Variants in CTCF observed in about 807,000 individuals in gnomAD.
CTCF encodes CCCTC-binding factor, also known as transcriptional repressor CTCF.
CTCF carries 7 observed loss-of-function variants against 72.3 expected under a neutral mutation model. The observed-to-expected ratio is 0.10, with a 90% CI of 0.06 to 0.18. CTCF has a LOEUF of 0.18. Ranked by LOEUF, CTCF falls within the 10% of genes least tolerant of loss-of-function variation. The pLI is 1.00. For missense variants in CTCF, 516 were observed against 949.1 expected, an observed-to-expected ratio of 0.54 and a Z score of 6.00; for synonymous variants, 374 against 315.8, an observed-to-expected ratio of 1.18 and a Z score of -1.95.
rs914361591 is a variant in CTCF, at chr16:67,612,288, T to C, written c.952+167T>C. 10 of 555,536 alleles carry C rather than the reference T, an allele frequency of 1.8e-5. 1 individual carries two copies. Among genetic ancestry groups the C allele is most frequent in the Non-Finnish European group, 2.7e-5 (9 of 335,904 alleles). The allele number at this position is 555,536 out of a possible 1,614,324, so 34.4% of individuals were successfully genotyped here. ...TGTAAGCACTTGGACTTAGTTATTATAGACAAATGTAAAGAAAATTTAATG... is the reference window on the plus strand; with the variant it reads ...TGTAAGCACTTGGACTTAGTTATTACAGACAAATGTAAAGAAAATTTAATG... On this transcript the variant is annotated intron_variant, in intron 4 of 11. Transcript: ENST00000264010.
intron 2 of CTCF, among the ~76,000 whole-genome samples, chr16:67,605,659 A>T (rs1156945086): frequency 1.3e-5 from 2 of 152,330 alleles, no homozygotes; most frequent in East Asian, 3.9e-4. Flanking sequence ...CCCAACTGGG[A>T]AAATAGATCG....
chr16:67,585,983 C>T (rs949072186), intron 2 of CTCF, among the ~76,000 whole-genome samples: 3 of 152,124 alleles, frequency 2.0e-5, no homozygotes, highest in Admixed American at 2.0e-4. Context: ...CTCCACCCTA[C>T]CCCCATGCAA....
At chr16:67,589,466 A>G (rs912925084) in intron 2 of CTCF, among the ~76,000 whole-genome samples, 5 of 152,112 alleles carry the variant, frequency 3.3e-5, no homozygotes, top group African/African-American at 9.7e-5. Flanking sequence ...CCACCTCATC[A>G]TTTGATATCC....
intron 2 of CTCF, among the ~76,000 whole-genome samples, chr16:67,606,147 T>TA (rs2051970185): frequency 6.6e-6 from 1 of 152,162 alleles, no homozygotes; most frequent in Non-Finnish European, 1.5e-5. Flanking sequence ...AACCAGCACA[T>TA]CTTTCACCTG....
intron 2 of CTCF, among the ~76,000 whole-genome samples, chr16:67,577,030 T>G (rs955699108): frequency 2.0e-5 from 3 of 152,104 alleles, no homozygotes; most frequent in African/African-American, 7.2e-5. Context: ...ATAGGTAGGT[T>G]TCTTTAAGCT....
chr16:67,596,014 C>CCCA (rs1454721767), intron 2 of CTCF, among the ~76,000 whole-genome samples: 1 of 151,674 alleles, frequency 6.6e-6, no homozygotes, highest in Non-Finnish European at 1.5e-5. Flanking sequence ...AGTGCAGTGG[C>CCCA]ATACTTTCGG....
intron 11 of CTCF, among the ~76,000 whole-genome samples, chr16:67,637,180 A>G (rs2052442241): frequency 6.6e-6 from 1 of 152,228 alleles, no homozygotes; most frequent in African/African-American, 2.4e-5. Context: ...ATGAATATAA[A>G]AGAGCCAAAT....
At chr16:67,589,057 T>G (rs567317124) in intron 2 of CTCF, among the ~76,000 whole-genome samples, 2 of 152,136 alleles carry the variant, frequency 1.3e-5, no homozygotes, top group African/African-American at 4.8e-5. Flanking sequence ...GTTGGGAGGC[T>G]GAGGCAGGAA....
At chr16:67,625,449 C>T (rs2052270470) in intron 7 of CTCF, among the ~76,000 whole-genome samples, 1 of 152,216 alleles carries the variant, frequency 6.6e-6, no homozygotes, top group East Asian at 1.9e-4. Flanking sequence ...ATCCACCTGC[C>T]ATGGCCTCCC....
rs553464325 is a variant in CTCF at position 67,593,138 on chromosome 16, A to T, written c.-9-17686A>T. ...ATGGTTTTTAATATATATTTTATAC[A>T]TATAAAGAGAAAGGTGCAAGGTATC... On this transcript the variant is annotated intron_variant, in intron 2 of 11. Transcript: ENST00000264010. Among the ~76,000 whole-genome samples, 7 of 151,000 alleles carry T rather than the reference A, an allele frequency of 4.6e-5. No homozygotes were observed. The East Asian group carries it at 1.4e-3, about 29-fold the overall frequency.
At chr16:67,593,286 C>A (rs1361773453) in intron 2 of CTCF, among the ~76,000 whole-genome samples, 1 of 151,952 alleles carries the variant, frequency 6.6e-6, no homozygotes, top group Non-Finnish European at 1.5e-5. Flanking sequence ...ACAATTGTTG[C>A]TCATCACCCA....
intron 2 of CTCF, among the ~76,000 whole-genome samples, chr16:67,599,149 C>T (rs545915145): frequency 6.6e-6 from 1 of 152,194 alleles, no homozygotes; most frequent in Non-Finnish European, 1.5e-5. Context: ...GTAATCCCAG[C>T]ACTTTGGGAG....
At position 67,626,645 on chromosome 16, in the gene CTCF, T is replaced by G; in HGVS notation, c.1448T>G (p.Ile483Ser). The G allele has an allele frequency of 6.4e-7, 1 of 1,572,306 alleles. No individual in the cohort carries two copies. The highest frequency in any genetic ancestry group is 8.6e-7 in the Non-Finnish European group (1 of 1,157,498). The change falls in exon 8 of 12, where the codon ATC (isoleucine) becomes AGC (serine). Residue 483 changes from isoleucine to serine, a missense_variant. Physicochemically the swap from Ile to Ser is moderately radical, Grantham distance 142. Around this residue, in one of 7 missense-constraint regions of CTCF, gnomAD observed 81 missense variants for 184.3 expected, o/e 0.44. Coordinates refer to ENST00000264010, the MANE Select transcript of CTCF (RefSeq NM_006565.4). ...GTGTTTCATGAGCGCTATGCCCTCATCCAGCATCAGAAGTCACACAAGAAT... is the reference window on the plus strand; with the variant it reads ...GTGTTTCATGAGCGCTATGCCCTCAGCCAGCATCAGAAGTCACACAAGAAT... ...DAVFHERYAL[I>S]QHQKSHKNEK...
chr16:67,573,047 T>G (rs1567591093), intron 2 of CTCF, among the ~76,000 whole-genome samples: 3 of 146,716 alleles, frequency 2.0e-5, no homozygotes, highest in Non-Finnish European at 4.5e-5. Flanking sequence ...GGTCAGGAGT[T>G]CGGGACCAGC....
intron 2 of CTCF, among the ~76,000 whole-genome samples, chr16:67,606,084 T>C (rs1418982675): frequency 1.3e-5 from 2 of 152,210 alleles, no homozygotes; most frequent in Non-Finnish European, 2.9e-5. Context: ...GGTTTTCCAT[T>C]GCCAGTCATC....
At chr16:67,610,736 C>A in intron 2 of CTCF, 88 bp from the exon 3 acceptor site, 1 of 957,186 alleles carries the variant, frequency 1.0e-6, no homozygotes, top group Non-Finnish European at 1.5e-6. Context: ...CTAATTCATT[C>A]ACCAAAGGGT....
chr16:67,612,318 A>G (rs1041410511), intron 4 of CTCF, 197 bp downstream of exon 4: 32 of 453,684 alleles, frequency 7.1e-5, no homozygotes, highest in South Asian at 3.2e-4. Context: ...TTAATGAAAA[A>G]TAACACCCTC....
At chr16:67,636,635 C>T (rs928793426) in intron 10 of CTCF, 55 bp from the exon 11 acceptor site, 11 of 1,306,472 alleles carry the variant, frequency 8.4e-6, no homozygotes, top group African/African-American at 1.5e-5. Flanking sequence ...TTTCTTTCAT[C>T]TTCCACCACC....
Position 67,637,773 on chromosome 16 carries a change from G to T in CTCF, c.2085G>T (p.Glu695Asp), listed in dbSNP as rs192327027. The T allele has an allele frequency of 1.2e-6, 2 of 1,613,518 alleles. No individual in the cohort carries two copies. Among genetic ancestry groups the T allele is most frequent in the Non-Finnish European group, 1.7e-6 (2 of 1,180,024 alleles). ...IVEVKKEPDAEPAEGEEEEAQ... is the reference protein window; with the variant it reads ...IVEVKKEPDADPAEGEEEEAQ... The stretch of plus-strand genomic sequence containing the variant: ...AAGTAAAAAAAGAGCCAGATGCTGA[G>T]CCCGCAGAGGGAGAGGAAGAGGAGG... The change falls in exon 12 of 12, where the codon GAG becomes GAT. Residue 695 changes from glutamate (E) to aspartate (D), a missense_variant. Glu to Asp is a conservative substitution (Grantham distance 45). Around this residue, in one of 7 missense-constraint regions of CTCF, gnomAD observed 157 missense variants for 172.9 expected, o/e 0.91. Coordinates refer to ENST00000264010, the MANE Select transcript of CTCF (RefSeq NM_006565.4).
Sources: allele counts gnomAD v4.1 joint callset (sites outside exome capture counted in the v4.1 genomes callset), GRCh38; gene constraint gnomAD v4.1.1; regional missense constraint gnomAD v4.1.1; transcripts MANE v1.5; gene names NCBI Gene and HGNC (gene_info 2026-07-23, HGNC 2026-07-21).